Variants in REEP3 observed in about 807,000 individuals in gnomAD.
The protein encoded by REEP3 is receptor expression-enhancing protein 3.
Under a neutral mutation model 41.3 loss-of-function variants are expected in REEP3, and 20 were observed. The ratio of observed to expected loss-of-function variants is 0.48; its 90% CI spans 0.34 to 0.70. The LOEUF is 0.70. Ranked by LOEUF, REEP3 falls within the 30% of genes least tolerant of loss-of-function variation. The pLI, the probability that REEP3 is intolerant of heterozygous loss-of-function variation, is 0.01. For missense variants in REEP3, 271 were observed against 308.8 expected (o/e 0.88, Z 0.92); for synonymous variants, 104 against 101.8 (o/e 1.02, Z -0.13).
intron 1 of REEP3, among the ~76,000 whole-genome samples, chr10:63,542,517 A>G (rs1955537949): frequency 6.6e-6 from 1 of 152,232 alleles, no homozygotes; most frequent in Non-Finnish European, 1.5e-5. Flanking sequence ...CTTATGATAC[A>G]AAGAACTATA....
At chr10:63,556,626 G>GT (rs367820586) in intron 1 of REEP3, among the ~76,000 whole-genome samples, 60,090 of 87,058 alleles carry the variant, frequency 0.69, 17,511 homozygotes, top group East Asian at 0.74. Flanking sequence ...TTTTTTTTTT[G>GT]TTGTTTTGTT....
chr10:63,603,322 A>AT (rs1451522530), intron 5 of REEP3, among the ~76,000 whole-genome samples: 1 of 147,904 alleles, frequency 6.8e-6, no homozygotes, highest in Non-Finnish European at 1.5e-5. Flanking sequence ...CAAAAAAAAA[A>AT]AAAAAAAAAA....
chr10:63,527,103 C>T (rs1955371824), intron 1 of REEP3, among the ~76,000 whole-genome samples: 1 of 152,002 alleles, frequency 6.6e-6, no homozygotes, highest in African/African-American at 2.4e-5. Context: ...ACTCTTAAAA[C>T]CCGCAATTAT....
At chr10:63,532,936 AAACT>A (rs1220651942) in intron 1 of REEP3, among the ~76,000 whole-genome samples, 3 of 152,212 alleles carry the variant, frequency 2.0e-5, no homozygotes, top group Admixed American at 1.3e-4. Flanking sequence ...AATGTCGAAC[AAACT>A]AACTGTCTTA....
intron 3 of REEP3, among the ~76,000 whole-genome samples, 162 bp from the exon 4 acceptor site, chr10:63,597,862 G>A (rs1450633291): frequency 1.3e-5 from 2 of 150,998 alleles, no homozygotes; most frequent in Admixed American, 1.3e-4. Flanking sequence ...GCAATGAGCC[G>A]AGATGGTGCC....
intron 2 of REEP3, among the ~76,000 whole-genome samples, chr10:63,579,154 C>A (rs1263739614): frequency 2.6e-5 from 4 of 151,962 alleles, no homozygotes; most frequent in Non-Finnish European, 5.9e-5. Context: ...GCCTCAGCCT[C>A]CCGAGTAGCT....
chr10:63,546,476 A>G (rs905816339), intron 1 of REEP3, among the ~76,000 whole-genome samples: 1 of 152,236 alleles, frequency 6.6e-6, no homozygotes, highest in Non-Finnish European at 1.5e-5. Flanking sequence ...GAAAATGGAC[A>G]AGTTATTTAT....
intron 2 of REEP3, among the ~76,000 whole-genome samples, chr10:63,577,297 A>G (rs978149664): frequency 6.6e-6 from 1 of 152,182 alleles, no homozygotes; most frequent in African/African-American, 2.4e-5. Flanking sequence ...ACCCCTTTCC[A>G]GAGAATAAAC....
In REEP3 at chr10:63,549,889, AT is replaced by A. The variant is rs377024270; in HGVS notation, c.33-16447del. 8.9e-4 allele frequency among the ~76,000 whole-genome samples: 135 copies of A among 152,280 alleles called. 1 individual carries two copies. Among genetic ancestry groups the A allele is most frequent in the African/African-American group, 2.9e-3 (122 of 41,548 alleles). On this transcript the variant is annotated intron_variant, in intron 1 of 7. Transcript: ENST00000373758. ...ATTGAAGTTGAAATACAAGAGGCAT[AT>A]TGAGGAAACCATGCTGGAACAGATG... is the stretch of plus-strand genomic sequence containing the variant.
At chr10:63,539,363 G>C (rs1955505436) in intron 1 of REEP3, among the ~76,000 whole-genome samples, 2 of 152,108 alleles carry the variant, frequency 1.3e-5, no homozygotes, top group Admixed American at 1.3e-4. Flanking sequence ...TTGTAAGATG[G>C]GGTAATTTAA....
chr10:63,616,783 T>A (rs61463171), intron 6 of REEP3, among the ~76,000 whole-genome samples: 3,970 of 152,158 alleles, frequency 0.026, 174 homozygotes, highest in African/African-American at 0.091. Flanking sequence ...GAATACTATA[T>A]AAGCAAACAT....
intron 1 of REEP3, among the ~76,000 whole-genome samples, chr10:63,555,640 C>G (rs1396717927): frequency 1.3e-5 from 2 of 152,170 alleles, no homozygotes; most frequent in East Asian, 3.8e-4. Context: ...AAGGATAGAG[C>G]GTGGCAAAAG....
At chr10:63,607,440 G>C (rs1352830229) in intron 5 of REEP3, among the ~76,000 whole-genome samples, 2 of 152,174 alleles carry the variant, frequency 1.3e-5, no homozygotes, top group Admixed American at 6.5e-5. Context: ...GTTGGGCCTT[G>C]CCTTGCTCAT....
At chr10:63,587,285 T>A (rs534978250) in intron 2 of REEP3, among the ~76,000 whole-genome samples, 1 of 152,334 alleles carries the variant, frequency 6.6e-6, no homozygotes, top group East Asian at 1.9e-4. Context: ...AATACTTCCC[T>A]GAGGATATCT....
chr10:63,582,944 G>A (rs1219694740), intron 2 of REEP3, among the ~76,000 whole-genome samples: 1 of 152,006 alleles, frequency 6.6e-6, no homozygotes, highest in Admixed American at 6.6e-5. Flanking sequence ...GATAACACAG[G>A]TTTGTTCTCG....
chr10:63,529,492 C>G (rs1955398853), intron 1 of REEP3, among the ~76,000 whole-genome samples: 1 of 152,134 alleles, frequency 6.6e-6, no homozygotes, highest in Non-Finnish European at 1.5e-5. Flanking sequence ...GGGTTTCACT[C>G]TGTCATCCAG....
At chr10:63,533,853 G>T (rs1269872397) in intron 1 of REEP3, among the ~76,000 whole-genome samples, 1 of 151,456 alleles carries the variant, frequency 6.6e-6, no homozygotes, top group African/African-American at 2.4e-5. Flanking sequence ...GGTTACAGGC[G>T]CCCACCACCA....
chr10:63,600,545 A>C (rs924235797), intron 5 of REEP3, among the ~76,000 whole-genome samples: 3 of 152,178 alleles, frequency 2.0e-5, no homozygotes, highest in African/African-American at 7.2e-5. Context: ...ACTATGTTTT[A>C]TTTTAGAAGT....
chr10:63,600,958 G>A (rs1375301666), intron 5 of REEP3, among the ~76,000 whole-genome samples: 2 of 151,984 alleles, frequency 1.3e-5, no homozygotes, highest in Non-Finnish European at 2.9e-5. Context: ...ATTCAGACCA[G>A]CCTGGCCAAC....
Sources: gnomAD v4.1 joint callset for allele counts (sites outside exome capture counted in the v4.1 genomes callset) on GRCh38, gnomAD v4.1.1 for gene constraint, MANE v1.5 for transcripts, NCBI Gene and HGNC (gene_info 2026-07-23, HGNC 2026-07-21) for gene names.